The following NEGR1 variants were observed in gnomAD, a reference collection of about 807,000 sequenced individuals.
NEGR1 encodes IgLON family member 4.
A neutral mutation model predicts 40.9 loss-of-function variants in NEGR1; 10 were observed. The ratio of observed to expected loss-of-function variants is 0.24; its 90% confidence interval spans 0.15 to 0.42. The LOEUF (loss-of-function observed/expected upper bound fraction) is 0.42, where lower values mean the gene tolerates loss of function less well. Among genes scored for constraint, NEGR1 ranks in the 10% least tolerant of loss-of-function variants. The pLI, the probability that NEGR1 is intolerant of heterozygous loss-of-function variation, is 1.00. For synonymous variants in NEGR1, 185 were observed against 166.8 expected, an observed-to-expected ratio of 1.11 and a Z score of -0.84; for missense variants, 352 against 438.9, an observed-to-expected ratio of 0.80 and a Z score of 1.77.
At chr1:72,103,617 T>G (rs550336386) in intron 1 of NEGR1, among the ~76,000 whole-genome samples, 1 of 152,134 alleles carries the variant, frequency 6.6e-6, no homozygotes, top group African/African-American at 2.4e-5. Flanking sequence ...TAATTTTGTG[T>G]TAAGCTACGT....
intron 6 of NEGR1, among the ~76,000 whole-genome samples, chr1:71,530,309 T>C (rs1647313929): frequency 6.6e-6 from 1 of 151,436 alleles, no homozygotes; most frequent in African/African-American, 2.4e-5. Flanking sequence ...AGTTTGATTT[T>C]ATTCACAGAG....
intron 2 of NEGR1, among the ~76,000 whole-genome samples, chr1:71,918,361 G>A (rs1661663268): frequency 6.6e-6 from 1 of 150,960 alleles, no homozygotes; most frequent in East Asian, 2.0e-4. Flanking sequence ...GTCTCAGAAA[G>A]TGGGACGGTT....
chr1:72,099,436 A>C (rs1227425035), intron 1 of NEGR1, among the ~76,000 whole-genome samples: 2 of 151,958 alleles, frequency 1.3e-5, no homozygotes, highest in African/African-American at 4.8e-5. Flanking sequence ...TTTCTTCTTA[A>C]ATGGAAAATG....
intron 2 of NEGR1, among the ~76,000 whole-genome samples, chr1:71,810,353 C>G (rs1657955644): frequency 1.3e-5 from 2 of 151,984 alleles, no homozygotes; most frequent in South Asian, 4.1e-4. Flanking sequence ...GGTGTGCCTC[C>G]CTTCCAGGAT....
At chr1:71,705,198 AG>A (rs1653846919) in intron 3 of NEGR1, among the ~76,000 whole-genome samples, 1 of 152,176 alleles carries the variant, frequency 6.6e-6, no homozygotes, top group Non-Finnish European at 1.5e-5. Context: ...GATGAAGGCA[AG>A]GTTATCTACT....
At chr1:72,000,310 A>C (rs1646546119) in intron 1 of NEGR1, among the ~76,000 whole-genome samples, 1 of 152,130 alleles carries the variant, frequency 6.6e-6, no homozygotes, top group Admixed American at 6.6e-5. Context: ...GATCACATTT[A>C]ATACTGTTTC....
intron 1 of NEGR1, among the ~76,000 whole-genome samples, chr1:72,172,741 C>T (rs1447019593): frequency 6.6e-6 from 1 of 152,118 alleles, no homozygotes; most frequent in Non-Finnish European, 1.5e-5. Flanking sequence ...CGCAGATTTG[C>T]ATTCCTTCTG....
At chr1:72,005,242 G>T (rs969810157) in intron 1 of NEGR1, among the ~76,000 whole-genome samples, 2 of 152,066 alleles carry the variant, frequency 1.3e-5, no homozygotes, top group Non-Finnish European at 2.9e-5. Flanking sequence ...GGGATAGGGT[G>T]GGGGAGGCAA....
intron 2 of NEGR1, among the ~76,000 whole-genome samples, chr1:71,927,554 T>C (rs1397470878): frequency 1.3e-5 from 2 of 152,014 alleles, no homozygotes; most frequent in Non-Finnish European, 2.9e-5. Context: ...TTTTCCCAAG[T>C]TTCCCAAATT....
chr1:72,154,534 A>G (rs997243086), intron 1 of NEGR1, among the ~76,000 whole-genome samples: 1 of 152,018 alleles, frequency 6.6e-6, no homozygotes, highest in Non-Finnish European at 1.5e-5. Context: ...GGAATGCCCA[A>G]TGCAAGTACG....
At chr1:71,644,821 C>A (rs1213301845) in intron 4 of NEGR1, among the ~76,000 whole-genome samples, 1 of 151,906 alleles carries the variant, frequency 6.6e-6, no homozygotes, top group Non-Finnish European at 1.5e-5. Flanking sequence ...TGTGTTATTT[C>A]CAGTACTAGA....
At chr1:71,770,850 TGGG>T (rs1656293020) in intron 3 of NEGR1, among the ~76,000 whole-genome samples, 1 of 152,202 alleles carries the variant, frequency 6.6e-6, no homozygotes, top group Non-Finnish European at 1.5e-5. Flanking sequence ...ATACTGTTGG[TGGG>T]ACTGTAAATT....
At chr1:71,476,259 G>C (rs1160635260) in intron 6 of NEGR1, among the ~76,000 whole-genome samples, 1 of 152,062 alleles carries the variant, frequency 6.6e-6, no homozygotes, top group Admixed American at 6.6e-5. Flanking sequence ...AGCTTTAAAA[G>C]ATTGTAGAAT....
intron 3 of NEGR1, among the ~76,000 whole-genome samples, chr1:71,759,596 C>CTGTTTTTT (rs1655866637): frequency 3.1e-5 from 1 of 31,952 alleles, no homozygotes; most frequent in Non-Finnish European, 6.3e-5. Context: ...TGCGTCCAGG[C>CTGTTTTTT]TTTTTTTTTT....
At chr1:71,636,025 T>C (rs570322400) in intron 4 of NEGR1, among the ~76,000 whole-genome samples, 7 of 152,126 alleles carry the variant, frequency 4.6e-5, no homozygotes, top group African/African-American at 1.4e-4. Context: ...AAAAGTGCTT[T>C]AATCTTTCTC....
intron 1 of NEGR1, among the ~76,000 whole-genome samples, chr1:72,169,196 G>A (rs1328698869): frequency 1.3e-5 from 2 of 152,052 alleles, no homozygotes; most frequent in African/African-American, 4.8e-5. Flanking sequence ...TATCAGCAAA[G>A]GATATTAAAT....
In NEGR1 at chr1:71,887,440, G is replaced by C. The variant is rs1660753276; in HGVS notation, c.409+47639C>G. Among the ~76,000 whole-genome samples, 3 of 152,174 alleles carry C rather than the reference G, an allele frequency of 2.0e-5. No individual in the cohort carries two copies. In the South Asian group the frequency reaches 6.2e-4, roughly 31 times the overall value. On this transcript the variant is annotated intron_variant, in intron 2 of 6. Coordinates refer to ENST00000357731, the MANE Select transcript of NEGR1 (RefSeq NM_173808.3). ...TCTTACTCTCTGTCCCAGTCATGAA[G>C]TCAGGGACAAATATCTAGTCTCATT...
intron 1 of NEGR1, among the ~76,000 whole-genome samples, chr1:72,076,890 CTTTTTTT>C (rs56943357): frequency 4.9e-5 from 5 of 101,690 alleles, no homozygotes; most frequent in Admixed American, 1.2e-4. Flanking sequence ...CTCATTTATC[CTTTTTTT>C]TTTTTTTTTT....
chr1:71,823,255 T>C (rs1431267075), intron 2 of NEGR1, among the ~76,000 whole-genome samples: 1 of 148,718 alleles, frequency 6.7e-6, no homozygotes, highest in Non-Finnish European at 1.5e-5. Context: ...GGATTATGAA[T>C]AGTGAGACAT....
Sources: gnomAD v4.1 joint callset for allele counts (sites outside exome capture counted in the v4.1 genomes callset) on GRCh38, gnomAD v4.1.1 for gene constraint, MANE v1.5 for transcripts, NCBI Gene and HGNC (gene_info 2026-07-23, HGNC 2026-07-21) for gene names.